Variants in SPAG9 observed in about 807,000 individuals in gnomAD.
SPAG9 encodes the protein sperm associated antigen 9.
SPAG9 carries 35 observed loss-of-function variants against 166.5 expected under a neutral mutation model. The ratio of observed to expected loss-of-function variants is 0.21; its 90% CI spans 0.16 to 0.28. The LOEUF (loss-of-function observed/expected upper bound fraction) is 0.28. Ranked by LOEUF, SPAG9 falls within the 10% of genes least tolerant of loss-of-function variation. SPAG9 has a pLI of 1.00. For missense variants in SPAG9, 1,235 were observed against 1,603.3 expected (o/e 0.77, Z 3.92); for synonymous variants, 534 against 565.5 (o/e 0.94, Z 0.79).
chr17:51,089,660 A>ATATATG (rs1555658088), intron 1 of SPAG9, among the ~76,000 whole-genome samples: 9 of 105,334 alleles, frequency 8.5e-5, no homozygotes, highest in Non-Finnish European at 1.6e-4. Context: ...ATATATATAT[A>ATATATG]TATACACATA....
chr17:50,987,977 A>T (rs1017037729), intron 21 of SPAG9, among the ~76,000 whole-genome samples: 3 of 152,192 alleles, frequency 2.0e-5, no homozygotes, highest in Non-Finnish European at 4.4e-5. Context: ...GCACTTTGGG[A>T]GGGTGAGGTG....
intron 1 of SPAG9, among the ~76,000 whole-genome samples, chr17:51,080,886 C>CA (rs200436430): frequency 0.14 from 9,332 of 67,552 alleles, 1,896 homozygotes; most frequent in African/African-American, 0.17. Context: ...GACTCTATCT[C>CA]AAAAAAAAAA....
At chr17:51,067,730 G>A (rs1452019267) in intron 2 of SPAG9, among the ~76,000 whole-genome samples, 1 of 151,018 alleles carries the variant, frequency 6.6e-6, no homozygotes, top group East Asian at 1.9e-4. Context: ...GGCAAATCAT[G>A]TTATCTAAAA....
intron 1 of SPAG9, among the ~76,000 whole-genome samples, chr17:51,089,613 CTTT>C: frequency 1.1e-5 from 1 of 92,168 alleles, no homozygotes; most frequent in Admixed American, 1.3e-4. Context: ...TATATATACA[CTTT>C]ATTTTATATA....
chr17:51,019,045 CA>C, intron 8 of SPAG9, among the ~76,000 whole-genome samples: 1 of 152,266 alleles, frequency 6.6e-6, no homozygotes, highest in Middle Eastern at 3.4e-3. Context: ...CCCTTATAAA[CA>C]GGATTGGGGT....
intron 2 of SPAG9, among the ~76,000 whole-genome samples, chr17:51,075,411 T>C (rs961750132): frequency 6.6e-6 from 1 of 152,082 alleles, no homozygotes; most frequent in East Asian, 1.9e-4. Context: ...TGAGACATTT[T>C]AAAGGTACTT....
chr17:50,974,639 A>T, intron 28 of SPAG9, 132 bp downstream of exon 28: 1 of 710,482 alleles, frequency 1.4e-6, no homozygotes, highest in Non-Finnish European at 2.1e-6. Flanking sequence ...CCTCCATTAC[A>T]GAACTTCCTT....
chr17:51,078,650 T>C (rs2144635569), intron 2 of SPAG9, among the ~76,000 whole-genome samples: 1 of 152,190 alleles, frequency 6.6e-6, no homozygotes, highest in Non-Finnish European at 1.5e-5. Context: ...TTAGGTCTGT[T>C]TTTATTAGCC....
intron 1 of SPAG9, among the ~76,000 whole-genome samples, chr17:51,095,222 G>C (rs2048577331): frequency 6.6e-6 from 1 of 150,588 alleles, no homozygotes; most frequent in Non-Finnish European, 1.5e-5. Context: ...CAGGAACCCA[G>C]GAGATGGAGC....
At chr17:50,981,754 C>T (rs934104799) in intron 25 of SPAG9, among the ~76,000 whole-genome samples, 4 of 149,940 alleles carry the variant, frequency 2.7e-5, no homozygotes, top group Non-Finnish European at 4.4e-5. Context: ...AATGCTAGGC[C>T]GGACGCGGTG....
At chr17:50,998,116 C>T (rs867269570) in intron 15 of SPAG9, among the ~76,000 whole-genome samples, 1 of 150,208 alleles carries the variant, frequency 6.7e-6, no homozygotes, top group Non-Finnish European at 1.5e-5. Context: ...CACTGCAACC[C>T]CGCCTCCTGG....
chr17:51,039,409 A>G (rs2046743216), intron 5 of SPAG9, among the ~76,000 whole-genome samples: 1 of 152,208 alleles, frequency 6.6e-6, no homozygotes, highest in Non-Finnish European at 1.5e-5. Flanking sequence ...TAGGTGAAAA[A>G]TAAAATACTG....
At position 50,989,228 on chromosome 17, in the gene SPAG9, C is replaced by T. The variant is rs537700981; in HGVS notation, c.2813+449G>A. On this transcript the variant is annotated intron_variant, in intron 21 of 29. Coordinates refer to ENST00000262013, the MANE Select transcript of SPAG9 (RefSeq NM_001130528.3). Reference sequence around the variant, plus strand: ...CATGTTTACATACACAAATACTTACCGTTATGTTCCAATTATCTACAGTAT... The same window carrying T: ...CATGTTTACATACACAAATACTTACTGTTATGTTCCAATTATCTACAGTAT... Among the ~76,000 whole-genome samples, 35 of 152,232 alleles carry T rather than the reference C, an allele frequency of 2.3e-4. 2 individuals carry two copies. The South Asian group carries it at 6.4e-3, about 28-fold the overall frequency.
At position 50,971,713 on chromosome 17, in the gene SPAG9, G is replaced by T. The variant is rs139531644; in HGVS notation, c.3701-857C>A. On this transcript the variant is annotated intron_variant, in intron 28 of 29. Coordinates refer to ENST00000262013, the MANE Select transcript of SPAG9 (RefSeq NM_001130528.3). ...CTGACCTCATGATCTGCCTGCCTCG[G>T]CCTCCCAAAGTGCTGGGAATACAGG... Among the ~76,000 whole-genome samples the T allele has an allele frequency of 1.3e-3, 204 of 152,028 alleles. 1 individual carries two copies. The highest frequency in any genetic ancestry group is 4.7e-3 in the African/African-American group (194 of 41,470).
At chr17:50,990,764 G>A (rs1975476510) in intron 19 of SPAG9, 96 bp from the exon 20 acceptor site, 1 of 916,200 alleles carries the variant, frequency 1.1e-6, no homozygotes, top group Non-Finnish European at 1.7e-6. Context: ...GAGTTATGCA[G>A]GTGAGATGTA....
chr17:51,102,724 G>A (rs1035136230), intron 1 of SPAG9, among the ~76,000 whole-genome samples: 5 of 151,844 alleles, frequency 3.3e-5, no homozygotes, highest in East Asian at 3.9e-4. Flanking sequence ...GGCTGGTCTC[G>A]AACCCCTGAC....
At position 50,998,546 on chromosome 17, in the gene SPAG9, T is replaced by C. The variant is rs772455515; in HGVS notation, c.1736A>G (p.Asn579Ser). 8 of 1,614,166 alleles carry C rather than the reference T, an allele frequency of 5.0e-6. No homozygotes were observed. The highest frequency in any genetic ancestry group is 4.5e-5 in the East Asian group (2 of 44,882). ...CGGAGTAACATGAGACGTGGGTGCATTGTACTTCAGATTAACAGGTGGTTC... is the reference window on the plus strand; with the variant it reads ...CGGAGTAACATGAGACGTGGGTGCACTGTACTTCAGATTAACAGGTGGTTC... Reference protein sequence around the residue: ...KPEPPVNLKYNAPTSHVTPSV... With the variant: ...KPEPPVNLKYSAPTSHVTPSV... Residue 579 changes from asparagine (N) to serine (S), a missense_variant, in exon 15 of 30, where the codon AAT becomes AGT. Asn to Ser is a conservative substitution (Grantham distance 46, BLOSUM62 1). Transcript: ENST00000262013.
chr17:51,077,041 T>TCTAGCTATCTAGCTAG (rs1224113400), intron 2 of SPAG9, among the ~76,000 whole-genome samples: 2 of 98,518 alleles, frequency 2.0e-5, no homozygotes, highest in South Asian at 2.8e-4. Context: ...TATCTAGCTA[T>TCTAGCTATCTAGCTAG]CTAGCTATCT....
intron 5 of SPAG9, among the ~76,000 whole-genome samples, chr17:51,035,342 C>G (rs2046545628): frequency 6.6e-6 from 1 of 152,116 alleles, no homozygotes; most frequent in Admixed American, 6.6e-5. Flanking sequence ...GTATATGGAA[C>G]TCTGCACTAT....
Sources: gnomAD v4.1 joint callset for allele counts (sites outside exome capture counted in the v4.1 genomes callset) on GRCh38, gnomAD v4.1.1 for gene constraint, MANE v1.5 for transcripts, NCBI Gene and HGNC (gene_info 2026-07-23, HGNC 2026-07-21) for gene names.